IQCH: variants seen among roughly 807,000 people sequenced by gnomAD.
The protein encoded by IQCH is IQ domain-containing protein H.
In IQCH, 98 loss-of-function variants were observed where a neutral mutation model predicts 117.0. The ratio of observed to expected loss-of-function variants is 0.84; its 90% CI spans 0.71 to 0.99. IQCH has a LOEUF of 0.99. Among genes scored for constraint, IQCH ranks in the 50% least tolerant of loss-of-function variants. The pLI is 0.00. For missense variants in IQCH, 1,102 were observed against 1,243.8 expected, an observed-to-expected ratio of 0.89 and a Z score of 1.72; for synonymous variants, 412 against 448.2, an observed-to-expected ratio of 0.92 and a Z score of 1.02.
intron 14 of IQCH, among the ~76,000 whole-genome samples, chr15:67,412,114 C>T (rs1484989607): frequency 6.6e-6 from 1 of 152,206 alleles, no homozygotes; most frequent in Non-Finnish European, 1.5e-5. Context: ...CCCCACAAAG[C>T]TAGCCGCTAA....
chr15:67,497,395 T>C (rs1052456974), intron 20 of IQCH, among the ~76,000 whole-genome samples: 1 of 152,170 alleles, frequency 6.6e-6, no homozygotes, highest in African/African-American at 2.4e-5. Flanking sequence ...AAAATCAGTA[T>C]ACAAAAGACA....
chr15:67,429,026 A>T (rs377031987), intron 16 of IQCH, among the ~76,000 whole-genome samples: 4 of 152,168 alleles, frequency 2.6e-5, no homozygotes, highest in African/African-American at 9.7e-5. Flanking sequence ...TCTCCTCTAG[A>T]GTCTCCAGGA....
rs567175209 is a variant in IQCH, at chr15:67,439,236, A to G, written c.2505+17659A>G. On this transcript the variant is annotated intron_variant, in intron 16 of 20. Transcript: ENST00000335894. ...TCAGACCACAGTACAATAAAACTGG[A>G]AATCAACTTGAAAAGGAATCTGCAA... Among the ~76,000 whole-genome samples the G allele has an allele frequency of 5.9e-5, 9 of 152,330 alleles. No homozygotes were observed. The East Asian group carries it at 1.7e-3, about 29-fold the overall frequency.
At chr15:67,345,449 C>G (rs971564122) in intron 6 of IQCH, among the ~76,000 whole-genome samples, 27 of 152,054 alleles carry the variant, frequency 1.8e-4, no homozygotes, top group African/African-American at 6.3e-4. Flanking sequence ...ACCTGCAAAC[C>G]CTGCCTTAAC....
intron 16 of IQCH, among the ~76,000 whole-genome samples, chr15:67,442,147 A>T (rs550180790): frequency 1.5e-4 from 23 of 152,130 alleles, no homozygotes; most frequent in African/African-American, 5.3e-4. Flanking sequence ...ATGGTGGCTC[A>T]TGCCTGTAAT....
intron 4 of IQCH, among the ~76,000 whole-genome samples, chr15:67,318,125 C>A (rs1450543419): frequency 6.6e-6 from 1 of 152,172 alleles, no homozygotes; most frequent in African/African-American, 2.4e-5. Context: ...ACCTCAGTCC[C>A]TCCACCTAGA....
Position 67,445,410 on chromosome 15 carries a change from T to C in IQCH, c.2506-19717T>C, listed in dbSNP as rs561315761. ...CTTCCCCTGTCATGTTACATTCCTA[T>C]CCCACCCCAGAGTACCTACCTCATG... On this transcript the variant is annotated intron_variant, in intron 16 of 20. Transcript: ENST00000335894. The surrounding 1 kb of genome is among the most constrained non-coding windows in gnomAD (Gnocchi z 4.3). Among the ~76,000 whole-genome samples, 3 of 152,198 alleles carry C rather than the reference T, an allele frequency of 2.0e-5. No homozygotes were observed. In the South Asian group the frequency reaches 6.2e-4, roughly 32 times the overall value.
chr15:67,304,151 A>G (rs1339894528), intron 4 of IQCH, among the ~76,000 whole-genome samples: 1 of 152,214 alleles, frequency 6.6e-6, no homozygotes, highest in African/African-American at 2.4e-5. Flanking sequence ...ATCTACACAA[A>G]GTTCCTTTTC....
rs2140922282 is a variant in IQCH, at chr15:67,422,637, C to A, written c.2505+1060C>A. Among the ~76,000 whole-genome samples the A allele has an allele frequency of 6.6e-6, 1 of 152,236 alleles. No homozygotes were observed. Among genetic ancestry groups the A allele is most frequent in the South Asian group, 2.1e-4 (1 of 4,814 alleles). On this transcript the variant is annotated intron_variant, in intron 16 of 20. Transcript: ENST00000335894. This position sits in a 1 kb window ranked among gnomAD's most constrained non-coding sequence, Gnocchi z 4.7. ...TTTTTAAGAATTTTGTAGATCATAA[C>A]ATTCTATCTATTATTATTTTACTGT...
intron 6 of IQCH, among the ~76,000 whole-genome samples, chr15:67,344,963 T>C (rs1157355987): frequency 3.9e-5 from 6 of 152,154 alleles, no homozygotes; most frequent in Admixed American, 6.6e-5. Flanking sequence ...AATCTTTCTA[T>C]AGAAGAATTC....
intron 16 of IQCH, among the ~76,000 whole-genome samples, chr15:67,434,164 A>G (rs1193510422): frequency 6.6e-6 from 1 of 152,144 alleles, no homozygotes; most frequent in Non-Finnish European, 1.5e-5. Flanking sequence ...TCACCATGCT[A>G]TACGTTAGGT....
rs762689739 is a variant in IQCH at position 67,417,013 on chromosome 15, C to G, written c.2180C>G (p.Pro727Arg). The change falls in exon 15 of 21, where the codon CCG (proline) becomes CGG (arginine). Residue 727 changes from proline to arginine, a missense_variant. Pro to Arg is a moderately radical substitution (Grantham distance 103). Around this residue, in one of 2 missense-constraint regions of IQCH, gnomAD observed 650 missense variants for 794.3 expected, o/e 0.82. Transcript: ENST00000335894. The surrounding 1 kb of genome is among the most constrained non-coding windows in gnomAD (Gnocchi z 4.3). Reference sequence around the variant, plus strand: ...CAGCCAGTCAATGAGAAACGGTTCCCGACGTGGAGGAAATTCCTCCAAACA... The same window carrying G: ...CAGCCAGTCAATGAGAAACGGTTCCGGACGTGGAGGAAATTCCTCCAAACA... ...HAQPVNEKRF[P>R]TWRKFLQTFL... 2 of 1,610,398 alleles carry G rather than the reference C, an allele frequency of 1.2e-6. No individual in the cohort carries two copies. Among genetic ancestry groups the G allele is most frequent in the Non-Finnish European group, 1.7e-6 (2 of 1,178,324 alleles).
At chr15:67,357,549 C>T in intron 7 of IQCH, 128 bp downstream of exon 7, 4 of 686,332 alleles carry the variant, frequency 5.8e-6, no homozygotes, top group South Asian at 3.4e-5. Flanking sequence ...TCAGCTGCTG[C>T]TGGTATGCAT....
At chr15:67,410,658 G>A (rs1394432810) in intron 14 of IQCH, among the ~76,000 whole-genome samples, 8 of 152,194 alleles carry the variant, frequency 5.3e-5, no homozygotes, top group Non-Finnish European at 1.0e-4. Context: ...GAGTTGGGGG[G>A]CAACAATCTC....
At chr15:67,261,247 T>C in intron 1 of IQCH, 25 bp from the exon 2 acceptor site, 1 of 1,463,392 alleles carries the variant, frequency 6.8e-7, no homozygotes, top group South Asian at 1.3e-5. Flanking sequence ...ATTATTTCAA[T>C]ATTTTTCATT....
chr15:67,286,011 G>A (rs1396886758), intron 4 of IQCH, among the ~76,000 whole-genome samples: 2 of 152,096 alleles, frequency 1.3e-5, no homozygotes, highest in Non-Finnish European at 2.9e-5. Flanking sequence ...CATTGAATCT[G>A]TAGATTGCTT....
In IQCH at chr15:67,390,008, T is replaced by A. The variant is rs2140842427; in HGVS notation, c.1632+1002T>A. On this transcript the variant is annotated intron_variant, in intron 12 of 20. Transcript: ENST00000335894. The surrounding 1 kb of genome is among the most constrained non-coding windows in gnomAD (Gnocchi z 5.0). ...CAGGGTTTATTCTTTTCTACCAAAA[T>A]GAAGATTTTATTTTTTCATAACTGG... 6.6e-6 allele frequency among the ~76,000 whole-genome samples: 1 copy of A among 152,280 alleles called. No individual in the cohort carries two copies. The highest frequency in any genetic ancestry group is 1.9e-4 in the East Asian group (1 of 5,178).
At chr15:67,361,335 G>T (rs186479164) in intron 8 of IQCH, among the ~76,000 whole-genome samples, 1 of 152,182 alleles carries the variant, frequency 6.6e-6, no homozygotes, top group African/African-American at 2.4e-5. Context: ...TGTCTTAAGT[G>T]GATTATCTCA....
At chr15:67,292,223 G>T (rs1966774237) in intron 4 of IQCH, among the ~76,000 whole-genome samples, 1 of 152,078 alleles carries the variant, frequency 6.6e-6, no homozygotes. Flanking sequence ...AGAACTGTAA[G>T]AAATAAATGT....
Sources: gnomAD v4.1 joint callset for allele counts (sites outside exome capture counted in the v4.1 genomes callset) on GRCh38, gnomAD v4.1.1 for gene constraint, gnomAD v4.1.1 regional missense constraint, Gnocchi (gnomAD v3.1) non-coding constraint, MANE v1.5 for transcripts, NCBI Gene and HGNC (gene_info 2026-07-23, HGNC 2026-07-21) for gene names.